EEFSEC: variants seen among roughly 807,000 people sequenced by gnomAD.
EEFSEC encodes the protein selenocysteine-specific elongation factor.
In EEFSEC, 43 loss-of-function variants were observed where a neutral mutation model predicts 42.1. The observed-to-expected ratio is 1.02, with a 90% CI of 0.80 to 1.32. The LOEUF is 1.32. Ranked by LOEUF, EEFSEC falls within the 40% of genes most tolerant of loss-of-function variation. The probability of loss-of-function intolerance (pLI) is 0.00; values close to 1 mark genes in which losing one functional copy is unlikely to be tolerated. For missense variants in EEFSEC, 745 were observed against 803.6 expected, an observed-to-expected ratio of 0.93 and a Z score of 0.88; for synonymous variants, 354 against 339.1, an observed-to-expected ratio of 1.04 and a Z score of -0.48.
chr3:128,377,722 C>T (rs779125079), intron 6 of EEFSEC, among the ~76,000 whole-genome samples: 3 of 152,202 alleles, frequency 2.0e-5, no homozygotes, highest in Non-Finnish European at 4.4e-5. Flanking sequence ...GCCTCAGAAG[C>T]TGAATTGTTC....
At chr3:128,182,518 A>G (rs1366233191) in intron 1 of EEFSEC, among the ~76,000 whole-genome samples, 2 of 152,130 alleles carry the variant, frequency 1.3e-5, no homozygotes, top group African/African-American at 2.4e-5. Context: ...ATCAGTTTTC[A>G]TTTGTGAGCG....
chr3:128,416,805 C>T, the EEFSEC span, among the ~76,000 whole-genome samples: 9 of 152,066 alleles, frequency 5.9e-5, no homozygotes, highest in Non-Finnish European at 1.2e-4. Flanking sequence ...AGGGCCATGC[C>T]GAGAAAGGGC....
intron 1 of EEFSEC, among the ~76,000 whole-genome samples, chr3:128,198,502 G>A (rs1203619910): frequency 1.3e-5 from 2 of 152,158 alleles, no homozygotes; most frequent in South Asian, 2.1e-4. Flanking sequence ...GCACTCTTCC[G>A]GCAGCACATG....
intron 6 of EEFSEC, among the ~76,000 whole-genome samples, chr3:128,406,119 G>A (rs1455902438): frequency 1.3e-5 from 2 of 152,318 alleles, no homozygotes; most frequent in East Asian, 1.9e-4. Context: ...TGCCAGGGGT[G>A]GAACTGCTCC....
At chr3:128,335,981 G>C (rs1353603736) in intron 4 of EEFSEC, among the ~76,000 whole-genome samples, 1 of 152,208 alleles carries the variant, frequency 6.6e-6, no homozygotes, top group Non-Finnish European at 1.5e-5. Context: ...TCTGGGCGTA[G>C]TAAGCTGGGA....
Position 128,264,686 on chromosome 3 carries a change from T to A in EEFSEC, c.691T>A (p.Cys231Ser). ...ACCGTTCCTCATGTCTGTGGACCAC[T>A]GTTTCTCCATCAAAGGCCAAGGCAC... The part of the protein sequence containing the change: ...SGPFLMSVDH[C>S]FSIKGQGTVM... Residue 231 changes from cysteine (C) to serine (S), a missense_variant, in exon 4 of 7, where the codon TGT (cysteine) becomes AGT (serine). Coordinates refer to ENST00000254730, the MANE Select transcript of EEFSEC (RefSeq NM_021937.5). 1 of 1,614,096 alleles carries A rather than the reference T, an allele frequency of 6.2e-7. No individual in the cohort carries two copies. The highest frequency in any genetic ancestry group is 1.1e-5 in the South Asian group (1 of 91,062).
intron 2 of EEFSEC, among the ~76,000 whole-genome samples, chr3:128,251,534 GTT>G (rs1206011473): frequency 6.6e-6 from 1 of 152,106 alleles, no homozygotes; most frequent in Non-Finnish European, 1.5e-5. Flanking sequence ...ATGGTATTTT[GTT>G]CTTGTTTTAA....
At chr3:128,391,840 G>A (rs1223232445) in intron 6 of EEFSEC, among the ~76,000 whole-genome samples, 1 of 152,214 alleles carries the variant, frequency 6.6e-6, no homozygotes, top group African/African-American at 2.4e-5. Flanking sequence ...GGCAATCATG[G>A]GCAGAAAGAC....
At chr3:128,411,189 C>A (rs1291880503), downstream of EEFSEC, among the ~76,000 whole-genome samples, 11 of 152,218 alleles carry the variant, frequency 7.2e-5, no homozygotes, top group Admixed American at 7.2e-4. Context: ...CTGGCTGAGG[C>A]CAAGGTGTGG....
At chr3:128,216,647 A>T (rs923855248) in intron 1 of EEFSEC, among the ~76,000 whole-genome samples, 22 of 152,370 alleles carry the variant, frequency 1.4e-4, no homozygotes, top group African/African-American at 5.0e-4. Context: ...TCACACCCTT[A>T]GCCTCAGTGC....
chr3:128,342,514 C>T (rs2067267301), intron 5 of EEFSEC, among the ~76,000 whole-genome samples: 1 of 152,260 alleles, frequency 6.6e-6, no homozygotes, highest in Non-Finnish European at 1.5e-5. Context: ...GAAGCTGACA[C>T]AGTGGGAGGT....
chr3:128,425,684 C>A, the EEFSEC span, among the ~76,000 whole-genome samples: 1 of 152,210 alleles, frequency 6.6e-6, no homozygotes, highest in Non-Finnish European at 1.5e-5. Context: ...ACGGAAATGG[C>A]CAGGATGAAC....
At chr3:128,409,868 G>T (rs1168980900), downstream of EEFSEC, among the ~76,000 whole-genome samples, 2 of 152,188 alleles carry the variant, frequency 1.3e-5, no homozygotes, top group East Asian at 1.9e-4. Context: ...ACCCTACCTG[G>T]CCCTGCAGAC....
intron 4 of EEFSEC, among the ~76,000 whole-genome samples, chr3:128,296,188 G>A (rs1245679566): frequency 6.6e-6 from 1 of 152,104 alleles, no homozygotes; most frequent in Non-Finnish European, 1.5e-5. Flanking sequence ...AGGATGTCCC[G>A]ATGTTGGAAT....
intron 4 of EEFSEC, among the ~76,000 whole-genome samples, chr3:128,337,890 A>T (rs1489308292): frequency 6.6e-6 from 1 of 152,226 alleles, no homozygotes; most frequent in African/African-American, 2.4e-5. Context: ...TCACCCTGCA[A>T]TCCAGCAGTT....
chr3:128,254,306 G>A (rs1327579759), intron 2 of EEFSEC, among the ~76,000 whole-genome samples: 1 of 152,216 alleles, frequency 6.6e-6, no homozygotes, highest in African/African-American at 2.4e-5. Context: ...GCACAGGCCA[G>A]GAACTGGCCA....
intron 4 of EEFSEC, among the ~76,000 whole-genome samples, chr3:128,338,416 G>C (rs748309642): frequency 6.6e-6 from 1 of 152,158 alleles, no homozygotes; most frequent in Non-Finnish European, 1.5e-5. Context: ...ATTTAAATCT[G>C]TCGGCACACA....
intron 6 of EEFSEC, among the ~76,000 whole-genome samples, chr3:128,375,785 G>C (rs577445165): frequency 2.0e-5 from 3 of 152,300 alleles, no homozygotes; most frequent in Admixed American, 6.5e-5. Context: ...GACTGGGCTG[G>C]GAGGTGCTCC....
At chr3:128,388,367 C>T (rs1211514319) in intron 6 of EEFSEC, among the ~76,000 whole-genome samples, 1 of 152,218 alleles carries the variant, frequency 6.6e-6, no homozygotes, top group Non-Finnish European at 1.5e-5. Context: ...CTCAATTTAT[C>T]TACAGTCCAT....
Sources: gnomAD v4.1 joint callset for allele counts (sites outside exome capture counted in the v4.1 genomes callset) on GRCh38, gnomAD v4.1.1 for gene constraint, MANE v1.5 for transcripts, NCBI Gene and HGNC (gene_info 2026-07-23, HGNC 2026-07-21) for gene names.